Variants in SLC4A5 observed in about 807,000 individuals in gnomAD.
The protein encoded by SLC4A5 is solute carrier family 4 member 5.
SLC4A5 carries 96 observed loss-of-function variants against 120.4 expected under a neutral mutation model. The observed-to-expected ratio is 0.80, with a 90% CI of 0.68 to 0.94. The LOEUF (loss-of-function observed/expected upper bound fraction) is 0.94. SLC4A5 is among the 40% of genes least tolerant of loss of function. The probability of loss-of-function intolerance (pLI) is 0.00; values close to 1 mark genes in which losing one functional copy is unlikely to be tolerated. For synonymous variants in SLC4A5, 550 were observed against 571.1 expected (o/e 0.96, Z 0.53); for missense variants, 1,259 against 1,459.5 (o/e 0.86, Z 2.24).
exon 7 of SLC4A5, chr2:74,304,489 G>C (rs761812478): frequency 1.2e-6 from 2 of 1,608,374 alleles, no homozygotes; most frequent in East Asian, 4.5e-5. Context: ...AGGAACTCAC[G>C]AGTCCTGCTG....
intron 6 of SLC4A5, among the ~76,000 whole-genome samples, chr2:74,310,444 A>AT (rs1672770254): frequency 6.6e-6 from 1 of 152,058 alleles, no homozygotes; most frequent in African/African-American, 2.4e-5. Flanking sequence ...TTTTTTGTAG[A>AT]TTTTTTAAAA....
chr2:74,265,082 C>A, intron 9 of SLC4A5, 22 bp downstream of exon 9: 2 of 1,604,090 alleles, frequency 1.2e-6, no homozygotes, highest in Non-Finnish European at 1.7e-6. Flanking sequence ...AGGAGAGATG[C>A]ACACAGTGGC....
chr2:74,343,033 A>T (rs1673659643), intron 1 of SLC4A5, among the ~76,000 whole-genome samples: 1 of 152,084 alleles, frequency 6.6e-6, no homozygotes, highest in African/African-American at 2.4e-5. Context: ...ATATGCACAC[A>T]CTACACGCTC....
intron 30 of SLC4A5, among the ~76,000 whole-genome samples, chr2:74,220,344 AGCTTTGATGTTGATCTCTGATGTTG>A (rs1254024890): frequency 9.9e-5 from 15 of 152,050 alleles, no homozygotes; most frequent in Non-Finnish European, 2.2e-4. Flanking sequence ...CTCTGATGTT[AGCTTTGATGTTGATCTCTGATGTTG>A]GCTTTCCTCC....
At chr2:74,219,811 T>C (rs1384592370) in intron 30 of SLC4A5, among the ~76,000 whole-genome samples, 5 of 152,158 alleles carry the variant, frequency 3.3e-5, no homozygotes, top group Admixed American at 6.5e-5. Flanking sequence ...GCATCACATA[T>C]ATAGGAGCCT....
At chr2:74,222,977 G>T in intron 28 of SLC4A5, 25 bp from the exon 29 acceptor site, 2 of 1,510,890 alleles carry the variant, frequency 1.3e-6, no homozygotes, top group Non-Finnish European at 1.8e-6. Flanking sequence ...TGGGAAAAGA[G>T]GATAAACACC....
At chr2:74,261,559 G>T (rs957197339) in intron 11 of SLC4A5, among the ~76,000 whole-genome samples, 2 of 152,088 alleles carry the variant, frequency 1.3e-5, no homozygotes. Flanking sequence ...TTCTAAGTTC[G>T]CTCCTTTCTT....
At chr2:74,300,205 G>A (rs907938661) in intron 7 of SLC4A5, among the ~76,000 whole-genome samples, 6 of 152,318 alleles carry the variant, frequency 3.9e-5, no homozygotes, top group Non-Finnish European at 7.3e-5. Flanking sequence ...ACCAGGGGTC[G>A]GATGTGGAAG....
At chr2:74,257,949 A>G (rs978749948) in intron 12 of SLC4A5, among the ~76,000 whole-genome samples, 1 of 152,206 alleles carries the variant, frequency 6.6e-6, no homozygotes, top group Admixed American at 6.5e-5. Flanking sequence ...ACACGTTGTG[A>G]CATGTTTGGT....
chr2:74,262,965 G>A (rs1357467424), intron 10 of SLC4A5, among the ~76,000 whole-genome samples: 2 of 152,246 alleles, frequency 1.3e-5, no homozygotes, highest in Non-Finnish European at 2.9e-5. Flanking sequence ...AGAGCACTCA[G>A]AATAGTGCCC....
At chr2:74,316,824 G>A (rs1672980571) in intron 5 of SLC4A5, among the ~76,000 whole-genome samples, 1 of 152,174 alleles carries the variant, frequency 6.6e-6, no homozygotes, top group South Asian at 2.1e-4. Context: ...ACAAAAGACT[G>A]ACTTTAGTAA....
intron 8 of SLC4A5, among the ~76,000 whole-genome samples, chr2:74,280,596 A>C (rs1216118588): frequency 2.0e-5 from 3 of 152,162 alleles, no homozygotes; most frequent in Non-Finnish European, 2.9e-5. Flanking sequence ...TGGAAGGTTG[A>C]TTCCAGATGG....
chr2:74,262,293 TG>T, intron 10 of SLC4A5, 61 bp from the exon 11 acceptor site: 1 of 1,435,910 alleles, frequency 7.0e-7, no homozygotes, highest in Non-Finnish European at 9.7e-7. Context: ...CGAAGCCTCT[TG>T]GGTTAGTTCA....
intron 8 of SLC4A5, among the ~76,000 whole-genome samples, chr2:74,280,314 T>C (rs1671773187): frequency 6.6e-6 from 1 of 152,262 alleles, no homozygotes; most frequent in South Asian, 2.1e-4. Flanking sequence ...AAGCCTTCCT[T>C]GACCCCTCCT....
chr2:74,217,957 C>T (rs796436832), exon 31 of SLC4A5: 3 of 152,414 alleles, frequency 2.0e-5, no homozygotes, highest in African/African-American at 7.2e-5. Flanking sequence ...GTGCATGCCA[C>T]CACACCCGGC....
chr2:74,253,463 T>C (rs1458162260), intron 14 of SLC4A5, among the ~76,000 whole-genome samples: 2 of 152,184 alleles, frequency 1.3e-5, no homozygotes, highest in Non-Finnish European at 1.5e-5. Flanking sequence ...TCCAAGGAGC[T>C]CAGATATTTC....
exon 17 of SLC4A5, chr2:74,250,412 G>A (rs1452645867): frequency 3.1e-6 from 5 of 1,614,096 alleles, no homozygotes; most frequent in Non-Finnish European, 4.2e-6. Context: ...AGCCGAGGTA[G>A]ATGAATAGGA....
intron 5 of SLC4A5, among the ~76,000 whole-genome samples, chr2:74,321,136 C>T (rs532568063): frequency 2.0e-5 from 3 of 152,258 alleles, no homozygotes; most frequent in South Asian, 2.1e-4. Flanking sequence ...TTGAATATCA[C>T]CACTGGATGT....
chr2:74,242,073 C>T lies in SLC4A5; in HGVS notation c.2060-21G>A, dbSNP rs368640008. Reference sequence around the variant, plus strand: ...ATTCACTGTGGATGAGCACATGACACGGGGCAGGGTCAGCAGCTGTGGGGC... The same window carrying T: ...ATTCACTGTGGATGAGCACATGACATGGGGCAGGGTCAGCAGCTGTGGGGC... On this transcript the variant is annotated intron_variant, in intron 19 of 30. Transcript: ENST00000394019. 2.4e-5 allele frequency: 38 copies of T among 1,598,424 alleles called. No individual in the cohort carries two copies. In the African/African-American group the frequency reaches 2.5e-4, roughly 11 times the overall value.
Sources: allele counts gnomAD v4.1 joint callset (sites outside exome capture counted in the v4.1 genomes callset), GRCh38; gene constraint gnomAD v4.1.1; transcripts MANE v1.5; gene names NCBI Gene and HGNC (gene_info 2026-07-23, HGNC 2026-07-21).